The following GNL3L variants were observed in gnomAD, a reference collection of about 807,000 sequenced individuals.
GNL3L encodes G protein nucleolar 3 like, also known as guanine nucleotide-binding protein-like 3-like protein.
In GNL3L, 4 loss-of-function variants were observed where a neutral mutation model predicts 42.9. That is an observed-to-expected ratio of 0.09 (90% CI 0.05 to 0.21). GNL3L has a LOEUF of 0.21. Ranked by LOEUF, GNL3L falls within the 10% of genes least tolerant of loss-of-function variation. The pLI is 1.00. For synonymous variants in GNL3L, 159 were observed against 176.3 expected (o/e 0.90, Z 0.78); for missense variants, 412 against 481.7 (o/e 0.86, Z 1.36).
chrX:54,530,890 G>A (rs1924225593), intron 1 of GNL3L, among the ~76,000 whole-genome samples: 1 of 110,830 alleles, frequency 9.0e-6, no homozygotes, highest in Admixed American at 9.6e-5. Context: ...ATATACAGAG[G>A]GAGGGCACCT....
At chrX:54,568,120 C>T (rs1364421366), downstream of GNL3L, among the ~76,000 whole-genome samples, 1 of 109,856 alleles carries the variant, frequency 9.1e-6, no homozygotes, top group Non-Finnish European at 1.9e-5. Flanking sequence ...AGGTGCGTGC[C>T]ACCACGCCCG....
intron 16 of GNL3L, among the ~76,000 whole-genome samples, chrX:54,610,599 G>A (rs1439923608): frequency 9.0e-6 from 1 of 111,638 alleles, no homozygotes; most frequent in Non-Finnish European, 1.9e-5. Flanking sequence ...TGCATCTATT[G>A]AGGTGATCAT....
chrX:54,582,451 T>TA (rs753702998), intron 16 of GNL3L, among the ~76,000 whole-genome samples: 1 of 112,615 alleles, frequency 8.9e-6, no homozygotes, highest in Admixed American at 9.4e-5. Context: ...TATACCATTT[T>TA]ACATTTTCAC....
chrX:54,592,289 A>G (rs887850304), intron 16 of GNL3L, among the ~76,000 whole-genome samples: 2 of 111,731 alleles, frequency 1.8e-5, no homozygotes, highest in Admixed American at 1.9e-4. Flanking sequence ...TTCCAATTAC[A>G]ATGCCCTTTA....
At chrX:54,580,748 C>A (rs1298295922) in intron 16 of GNL3L, among the ~76,000 whole-genome samples, 3 of 112,056 alleles carry the variant, frequency 2.7e-5, no homozygotes, top group Non-Finnish European at 5.6e-5. Flanking sequence ...CTCTGATGGT[C>A]TGGCCTAACC....
intron 16 of GNL3L, among the ~76,000 whole-genome samples, chrX:54,605,152 A>G (rs1926044938): frequency 9.0e-6 from 1 of 111,591 alleles, no homozygotes; most frequent in Non-Finnish European, 1.9e-5. Context: ...AAGGGATTCT[A>G]TCAGGTGTGA....
intron 16 of GNL3L, among the ~76,000 whole-genome samples, chrX:54,586,225 G>A (rs771614415): frequency 5.4e-5 from 6 of 111,261 alleles, no homozygotes; most frequent in Admixed American, 9.6e-5. Context: ...GACCCTAGCA[G>A]TCCACATTCC....
downstream of GNL3L, among the ~76,000 whole-genome samples, chrX:54,572,128 TTTTCCTAGG>T (rs1484759410): frequency 7.4e-5 from 8 of 108,463 alleles, no homozygotes; most frequent in Non-Finnish European, 5.8e-5. Flanking sequence ...AGGTCTCTGG[TTTTCCTAGG>T]CAGAGGACCC....
chrX:54,632,654 T>C, the GNL3L span, among the ~76,000 whole-genome samples: 1 of 111,516 alleles, frequency 9.0e-6, no homozygotes, highest in African/African-American at 3.3e-5. Context: ...CTCTGGAGAT[T>C]TTCCTTCCAT....
intron 16 of GNL3L, among the ~76,000 whole-genome samples, chrX:54,609,987 ATG>A (rs775054384): frequency 3.6e-5 from 4 of 111,765 alleles, no homozygotes; most frequent in Non-Finnish European, 7.5e-5. Flanking sequence ...TGAGCATGGG[ATG>A]TGTTTCCATT....
downstream of GNL3L, among the ~76,000 whole-genome samples, chrX:54,571,498 CTTTTT>C (rs1161595672): frequency 1.2e-5 from 1 of 86,521 alleles, no homozygotes. Context: ...TGCGCCCGGC[CTTTTT>C]TTTTTTTTTT....
intron 16 of GNL3L, among the ~76,000 whole-genome samples, chrX:54,591,724 GTA>G (rs1925874637): frequency 9.0e-6 from 1 of 111,418 alleles, no homozygotes; most frequent in Admixed American, 9.6e-5. Flanking sequence ...AAGCTCTGTA[GTA>G]TAATTTGAAG....
At chrX:54,571,498 C>CTT (rs1161595672), downstream of GNL3L, among the ~76,000 whole-genome samples, 46 of 86,490 alleles carry the variant, frequency 5.3e-4, no homozygotes, top group East Asian at 5.1e-3. Context: ...TGCGCCCGGC[C>CTT]TTTTTTTTTT....
intron 2 of GNL3L, among the ~76,000 whole-genome samples, chrX:54,536,801 AG>A: frequency 1.1e-5 from 1 of 91,381 alleles, no homozygotes; most frequent in African/African-American, 4.1e-5. Context: ...AAAAAAAAAC[AG>A]AGAGAGAGAG....
At chrX:54,633,101 C>T in the GNL3L span, among the ~76,000 whole-genome samples, 4 of 111,264 alleles carry the variant, frequency 3.6e-5, no homozygotes, top group Non-Finnish European at 7.5e-5. Flanking sequence ...TGTGATCCAT[C>T]TTCGGGTCTC....
chrX:54,590,619 T>C (rs1341400148), intron 16 of GNL3L, among the ~76,000 whole-genome samples: 1 of 111,405 alleles, frequency 9.0e-6, no homozygotes, highest in Non-Finnish European at 1.9e-5. Context: ...ACAGAAGCTT[T>C]TTAACTTGAT....
intron 14 of GNL3L, 106 bp downstream of exon 14, chrX:54,554,798 C>T (rs1925039911): frequency 7.1e-6 from 5 of 705,088 alleles, no homozygotes; most frequent in Non-Finnish European, 1.1e-5. Context: ...GGGTAGTTCA[C>T]TCGCTCCCTA....
chrX:54,599,553 G>A (rs963793870), intron 16 of GNL3L, among the ~76,000 whole-genome samples: 2 of 111,305 alleles, frequency 1.8e-5, no homozygotes, highest in Non-Finnish European at 3.8e-5. Context: ...TAAGTTTGGG[G>A]TTCTTGTGAA....
At chrX:54,538,036 C>G (rs1924495081) in intron 2 of GNL3L, among the ~76,000 whole-genome samples, 1 of 110,798 alleles carries the variant, frequency 9.0e-6, no homozygotes, top group African/African-American at 3.3e-5. Context: ...ATGGCAAAAC[C>G]CCATCTCTAC....
Sources: allele counts gnomAD v4.1 joint callset (sites outside exome capture counted in the v4.1 genomes callset), GRCh38; gene constraint gnomAD v4.1.1; transcripts MANE v1.5; gene names NCBI Gene and HGNC (gene_info 2026-07-23, HGNC 2026-07-21).